The following RFX7 variants were observed in gnomAD, a reference collection of about 807,000 sequenced individuals.
RFX7 encodes the protein regulatory factor X7, also known as DNA-binding protein RFX7.
RFX7 carries 26 observed loss-of-function variants against 111.8 expected under a neutral mutation model. That is an observed-to-expected ratio of 0.23 (90% CI 0.17 to 0.32). The LOEUF is 0.32. RFX7 is among the 10% of genes least tolerant of loss of function. RFX7 has a pLI of 1.00. For synonymous variants in RFX7, 624 were observed against 624.4 expected (o/e 1.00, Z 0.01); for missense variants, 1,573 against 1,772.9 (o/e 0.89, Z 2.02).
chr15:56,243,042 T>TCCCCCCCCCCCCC, intron 2 of RFX7, 83 bp downstream of exon 2: 2 of 543,104 alleles, frequency 3.7e-6, no homozygotes, highest in South Asian at 1.5e-5. Context: ...CCTCCTCCGC[T>TCCCCCCCCCCCCC]CCCCCCGCCC....
chr15:56,112,914 CT>C (rs1425181866), intron 5 of RFX7, among the ~76,000 whole-genome samples: 4 of 152,216 alleles, frequency 2.6e-5, no homozygotes, highest in African/African-American at 9.7e-5. Context: ...CTCAACTTCA[CT>C]GATCATTAGA....
chr15:56,222,021 A>G (rs1303084798), intron 2 of RFX7, among the ~76,000 whole-genome samples: 1 of 152,090 alleles, frequency 6.6e-6, no homozygotes, highest in Non-Finnish European at 1.5e-5. Context: ...TTGAGACTGA[A>G]GGACTTATTT....
At chr15:56,099,466 C>T (rs1194216163) in intron 8 of RFX7, among the ~76,000 whole-genome samples, 1 of 152,136 alleles carries the variant, frequency 6.6e-6, no homozygotes, top group African/African-American at 2.4e-5. Context: ...CAAGCCTCAG[C>T]TCTGGCTTCT....
chr15:56,117,310 G>A (rs2042021232), intron 5 of RFX7, among the ~76,000 whole-genome samples: 1 of 152,062 alleles, frequency 6.6e-6, no homozygotes, highest in Non-Finnish European at 1.5e-5. Context: ...TGGGTGTTAG[G>A]GTGGGTGGAG....
Position 56,087,910 on chromosome 15 carries a change from G to A in RFX7, c.*5435C>T. The stretch of plus-strand genomic sequence containing the variant: ...ACATAAATATGACTAGAGTATACCT[G>A]TATGAAATATGCTTGAAAAGCTGTG... On this transcript the variant is annotated 3_prime_UTR_variant, in exon 10 of 10. Coordinates refer to ENST00000559447, the MANE Select transcript of RFX7 (RefSeq NM_022841.7). 3.1e-6 allele frequency: 1 copy of A among 322,950 alleles called. No homozygotes were observed. The highest frequency in any genetic ancestry group is 6.0e-6 in the Non-Finnish European group (1 of 166,230). 20.0% of individuals were successfully genotyped at this position (322,950 alleles called of 1,614,324 possible). A position where few individuals can be genotyped will look rare whatever the true frequency, so the allele number is the denominator to read the frequency against.
rs1380487234 is a variant in RFX7 at position 56,090,698 on chromosome 15, A to C, written c.*2647T>G. 1 of 152,596 alleles carries C rather than the reference A, an allele frequency of 6.6e-6. No homozygotes were observed. The highest frequency in any genetic ancestry group is 1.5e-5 in the Non-Finnish European group (1 of 68,006). The allele number at this position is 152,596 out of a possible 1,614,324, so 9.5% of individuals were successfully genotyped here. On this transcript the variant is annotated 3_prime_UTR_variant, in exon 10 of 10. Coordinates refer to ENST00000559447, the MANE Select transcript of RFX7 (RefSeq NM_022841.7). ...ACACTGGGGAAATCTGACTTTTTGC[A>C]CTAAATGAAACATGAAACAGGGCTT...
rs368258249 is a variant in RFX7 at position 56,141,656 on chromosome 15, AATATAT to A, written c.401+1116_401+1121del. On this transcript the variant is annotated intron_variant, in intron 5 of 9. Coordinates refer to ENST00000559447, the MANE Select transcript of RFX7 (RefSeq NM_022841.7). The stretch of plus-strand genomic sequence containing the variant: ...TAATGAAGAATCTATGCTTACTCTA[AATATAT>A]ATATATATATATATGCATATATGCT... Among the ~76,000 whole-genome samples the A allele has an allele frequency of 1.8e-4, 15 of 83,192 alleles. 3 individuals are homozygous for A. The highest frequency in any genetic ancestry group is 6.4e-4 in the Admixed American group (5 of 7,772). The allele number at this position is 83,192 out of a possible 152,430, so 54.6% of individuals were successfully genotyped here. A position where few individuals can be genotyped will look rare whatever the true frequency, so the allele number is the denominator to read the frequency against.
chr15:56,138,498 C>A (rs1399171648), intron 5 of RFX7, among the ~76,000 whole-genome samples: 2 of 149,006 alleles, frequency 1.3e-5, no homozygotes, highest in African/African-American at 4.9e-5. Context: ...TTATTTTGAG[C>A]CTATGTGTGT....
intron 5 of RFX7, among the ~76,000 whole-genome samples, chr15:56,117,703 A>G (rs1359695797): frequency 1.3e-5 from 2 of 152,060 alleles, no homozygotes; most frequent in African/African-American, 4.8e-5. Flanking sequence ...ATCAACTTCC[A>G]CATATGAGTG....
chr15:56,140,693 G>T (rs1055539932), intron 5 of RFX7, among the ~76,000 whole-genome samples: 1 of 152,128 alleles, frequency 6.6e-6, no homozygotes, highest in Non-Finnish European at 1.5e-5. Context: ...CTCAAAATTG[G>T]AGTTCTCACT....
At chr15:56,110,134 G>A in intron 5 of RFX7, among the ~76,000 whole-genome samples, 1 of 137,432 alleles carries the variant, frequency 7.3e-6, no homozygotes, top group African/African-American at 2.8e-5. Flanking sequence ...AGTCCGGGAG[G>A]GAGGTGGGGG....
At chr15:56,233,399 G>A (rs2043589702) in intron 2 of RFX7, among the ~76,000 whole-genome samples, 1 of 152,076 alleles carries the variant, frequency 6.6e-6, no homozygotes, top group African/African-American at 2.4e-5. Flanking sequence ...CTCCCACCAG[G>A]TCCCTCTCAC....
At chr15:56,153,368 A>C (rs571445796) in intron 3 of RFX7, among the ~76,000 whole-genome samples, 35 of 152,348 alleles carry the variant, frequency 2.3e-4, no homozygotes, top group African/African-American at 7.9e-4. Context: ...CACCATGATC[A>C]AGTTTGCTTC....
intron 2 of RFX7, chr15:56,192,327 A>C (rs1345546051): frequency 9.2e-6 from 2 of 218,174 alleles, no homozygotes; most frequent in East Asian, 2.2e-4. Flanking sequence ...GATTCTTCTC[A>C]GTGCCAGAGA....
chr15:56,136,862 C>T (rs2042310511), intron 5 of RFX7, among the ~76,000 whole-genome samples: 1 of 146,318 alleles, frequency 6.8e-6, no homozygotes, highest in Non-Finnish European at 1.5e-5. Flanking sequence ...TTTTCTGCAT[C>T]TATTGAGATA....
intron 5 of RFX7, among the ~76,000 whole-genome samples, chr15:56,115,847 CAGG>C (rs1159036686): frequency 1.3e-5 from 2 of 151,050 alleles, no homozygotes; most frequent in Admixed American, 1.3e-4. Context: ...GAGGCTGTGG[CAGG>C]AGAATGGTGT....
At chr15:56,215,799 C>T (rs1227613750) in intron 2 of RFX7, among the ~76,000 whole-genome samples, 1 of 152,142 alleles carries the variant, frequency 6.6e-6, no homozygotes, top group Non-Finnish European at 1.5e-5. Context: ...GTTTCTGTGT[C>T]AGAAACTTAG....
At chr15:56,233,765 G>T (rs1475491719) in intron 2 of RFX7, among the ~76,000 whole-genome samples, 1 of 152,140 alleles carries the variant, frequency 6.6e-6, no homozygotes, top group Non-Finnish European at 1.5e-5. Flanking sequence ...AGGTGACATT[G>T]GTTGTGGCAA....
At chr15:56,206,757 A>C (rs994663626) in intron 2 of RFX7, among the ~76,000 whole-genome samples, 2 of 151,376 alleles carry the variant, frequency 1.3e-5, no homozygotes, top group Non-Finnish European at 2.9e-5. Flanking sequence ...GAAAAAAAAA[A>C]CAGTACATGT....
Sources: gnomAD v4.1 joint callset for allele counts (sites outside exome capture counted in the v4.1 genomes callset) on GRCh38, gnomAD v4.1.1 for gene constraint, MANE v1.5 for transcripts, NCBI Gene and HGNC (gene_info 2026-07-23, HGNC 2026-07-21) for gene names.